Variants in RRM2 observed in about 807,000 individuals in gnomAD.
RRM2 encodes the protein ribonucleoside-diphosphate reductase subunit M2.
A neutral mutation model predicts 45.9 loss-of-function variants in RRM2; 6 were observed. That is an observed-to-expected ratio of 0.13 (90% confidence interval 0.07 to 0.26). The LOEUF is 0.26. Ranked by LOEUF, RRM2 falls within the 10% of genes least tolerant of loss-of-function variation. RRM2 has a pLI of 1.00. For synonymous variants in RRM2, 177 were observed against 173.0 expected, an observed-to-expected ratio of 1.02 and a Z score of -0.18; for missense variants, 343 against 489.5, an observed-to-expected ratio of 0.70 and a Z score of 2.82.
At chr2:10,187,301 G>T (rs1558401720) in intron 3 of RRM2, among the ~76,000 whole-genome samples, 2 of 152,198 alleles carry the variant, frequency 1.3e-5, no homozygotes, top group South Asian at 4.1e-4. Context: ...AACCGGTCAC[G>T]CAGGGCTCGG....
At chr2:10,137,249 A>T (rs1663003886), upstream of RRM2, among the ~76,000 whole-genome samples, 2 of 152,158 alleles carry the variant, frequency 1.3e-5, no homozygotes, top group Non-Finnish European at 2.9e-5. Context: ...GGTGACCAGA[A>T]CTTGCACCTG....
Position 10,205,103 on chromosome 2 carries a change from C to G in RRM2, n.483-5208C>G, listed in dbSNP as rs1664637924. Among the ~76,000 whole-genome samples, 3 of 152,234 alleles carry G rather than the reference C, an allele frequency of 2.0e-5. No homozygotes were observed. Among genetic ancestry groups the G allele is most frequent in the Admixed American group, 2.0e-4 (3 of 15,288 alleles). Reference sequence around the variant, plus strand: ...CCTAAGCCTTCTTTGTCCTTACCGTCTCTTCAGAATCTGTCTGCTTCACCC... The same window carrying G: ...CCTAAGCCTTCTTTGTCCTTACCGTGTCTTCAGAATCTGTCTGCTTCACCC... On this transcript the variant is annotated intron_variant and non_coding_transcript_variant, in intron 3 of 3. Coordinates refer to the RRM2 transcript ENST00000381786. This position sits in a 1 kb window ranked among gnomAD's most constrained non-coding sequence, Gnocchi z 4.8.
chr2:10,178,618 G>A (rs992561267), intron 3 of RRM2, among the ~76,000 whole-genome samples: 3 of 152,158 alleles, frequency 2.0e-5, no homozygotes, highest in Non-Finnish European at 4.4e-5. Flanking sequence ...CCATAAGAAT[G>A]GTCTGTACAT....
chr2:10,174,656 C>A (rs1663875750), intron 3 of RRM2, among the ~76,000 whole-genome samples: 2 of 151,634 alleles, frequency 1.3e-5, no homozygotes, highest in African/African-American at 2.4e-5. Context: ...CACCTGAAGC[C>A]AGGAGTTCCA....
intron 2 of RRM2, 81 bp from the exon 3 acceptor site, chr2:10,123,306 A>G (rs1662706970): frequency 2.0e-6 from 3 of 1,493,676 alleles, no homozygotes; most frequent in Admixed American, 4.4e-5. Context: ...ATTGCCGCCA[A>G]TGGAAAGGAC....
Position 10,169,946 on chromosome 2 carries a change from C to T in RRM2, n.482+27571C>T, listed in dbSNP as rs966249219. 1.3e-5 allele frequency among the ~76,000 whole-genome samples: 2 copies of T among 152,166 alleles called. No individual in the cohort carries two copies. The highest frequency in any genetic ancestry group is 2.9e-5 in the Non-Finnish European group (2 of 68,024). ...CTTGGCTGGCATCCCGTTTACATAG[C>T]GAGTGGCCCCACCTGATGGTTCTGA... On this transcript the variant is annotated intron_variant and non_coding_transcript_variant, in intron 3 of 3. Coordinates refer to the RRM2 transcript ENST00000381786. The surrounding 1 kb of genome is among the most constrained non-coding windows in gnomAD (Gnocchi z 5.1).
At chr2:10,165,512 G>A (rs1006703628) in intron 3 of RRM2, among the ~76,000 whole-genome samples, 12 of 152,226 alleles carry the variant, frequency 7.9e-5, no homozygotes, top group Admixed American at 2.6e-4. Context: ...ACATTTAACC[G>A]GCTGGGGACC....
At chr2:10,122,589 G>A, upstream of RRM2, 1 of 1,453,646 alleles carries the variant, frequency 6.9e-7, no homozygotes, top group Non-Finnish European at 9.1e-7. Context: ...CGGCCCCGCG[G>A]CCAGCCTGGG....
At chr2:10,135,687 T>C (rs717886), downstream of RRM2, among the ~76,000 whole-genome samples, 113,340 of 152,150 alleles carry the variant, frequency 0.74, 43,433 homozygotes, top group African/African-American at 0.9. Context: ...TAGCTATAAA[T>C]GATTGCCAAA....
rs1388158831 is a variant in RRM2 at position 10,200,647 on chromosome 2, C to T, written n.483-9664C>T. On this transcript the variant is annotated intron_variant and non_coding_transcript_variant, in intron 3 of 3. Transcript: ENST00000381786. ...CGCAAAATATGAGGCCCACAGGCACCGCGCACACAAAATATGAGGCCCACA... is the reference window on the plus strand; with the variant it reads ...CGCAAAATATGAGGCCCACAGGCACTGCGCACACAAAATATGAGGCCCACA... 1.7e-4 allele frequency among the ~76,000 whole-genome samples: 18 copies of T among 108,152 alleles called. 1 individual carries two copies. The highest frequency in any genetic ancestry group is 7.5e-4 in the East Asian group (3 of 3,978). The allele number at this position is 108,152 out of a possible 152,430, so 71.0% of individuals were successfully genotyped here.
Position 10,185,259 on chromosome 2 carries a change from G to A in RRM2, n.483-25052G>A, listed in dbSNP as rs1394378589. 1.4e-5 allele frequency among the ~76,000 whole-genome samples: 2 copies of A among 145,842 alleles called. No homozygotes were observed. The highest frequency in any genetic ancestry group is 4.9e-5 in the African/African-American group (2 of 40,988). On this transcript the variant is annotated intron_variant and non_coding_transcript_variant, in intron 3 of 3. Coordinates refer to the RRM2 transcript ENST00000381786. This position sits in a 1 kb window ranked among gnomAD's most constrained non-coding sequence, Gnocchi z 4.3. ...CAAGAGACAGAGAGAGAGCGTGAAA[G>A]CGAGACAGAGCGTGAGAGTGAGAGA...
intron 3 of RRM2, among the ~76,000 whole-genome samples, chr2:10,189,212 G>T (rs1664233518): frequency 6.6e-6 from 1 of 152,262 alleles, no homozygotes; most frequent in Non-Finnish European, 1.5e-5. Context: ...CCAGGTGGAT[G>T]CAGAGTGGGC....
At chr2:10,138,256 C>T (rs1416074572), upstream of RRM2, among the ~76,000 whole-genome samples, 1 of 151,728 alleles carries the variant, frequency 6.6e-6, no homozygotes, top group Non-Finnish European at 1.5e-5. Flanking sequence ...CAATCTCTGC[C>T]TCCCGGGTTC....
At chr2:10,134,967 C>CT (rs1662965977), downstream of RRM2, among the ~76,000 whole-genome samples, 1 of 152,206 alleles carries the variant, frequency 6.6e-6, no homozygotes, top group Non-Finnish European at 1.5e-5. Context: ...TTGAATGAAG[C>CT]TGCAGAACAT....
intron 3 of RRM2, among the ~76,000 whole-genome samples, chr2:10,142,609 C>T (rs1158337750): frequency 2.0e-5 from 3 of 151,468 alleles, no homozygotes; most frequent in East Asian, 4.0e-4. Flanking sequence ...CTGCGATCCC[C>T]CTCCCATTCC....
downstream of RRM2, among the ~76,000 whole-genome samples, chr2:10,133,553 C>T (rs769753246): frequency 2.0e-5 from 3 of 152,192 alleles, no homozygotes; most frequent in African/African-American, 4.8e-5. Flanking sequence ...GCCCCTCATC[C>T]GTGAGTGGCT....
At chr2:10,173,814 C>A (rs10929637) in intron 3 of RRM2, among the ~76,000 whole-genome samples, 1 of 152,076 alleles carries the variant, frequency 6.6e-6, no homozygotes, top group Non-Finnish European at 1.5e-5. Context: ...GGGTTCCTGC[C>A]CTCTGGAGCC....
At chr2:10,197,965 G>T (rs547171223) in intron 3 of RRM2, among the ~76,000 whole-genome samples, 1 of 152,254 alleles carries the variant, frequency 6.6e-6, no homozygotes, top group East Asian at 1.9e-4. Context: ...CTCCAATGGG[G>T]CAGGGTCCAG....
At chr2:10,144,512 C>T (rs528412469) in intron 3 of RRM2, among the ~76,000 whole-genome samples, 1 of 152,292 alleles carries the variant, frequency 6.6e-6, no homozygotes, top group East Asian at 1.9e-4. Flanking sequence ...CAGTGCTCAG[C>T]TTTTGGGTCC....
Sources: gnomAD v4.1 joint callset for allele counts (sites outside exome capture counted in the v4.1 genomes callset) on GRCh38, gnomAD v4.1.1 for gene constraint, Gnocchi (gnomAD v3.1) non-coding constraint, MANE v1.5 for transcripts, NCBI Gene and HGNC (gene_info 2026-07-23, HGNC 2026-07-21) for gene names.